TANGO2: variants seen among roughly 807,000 people sequenced by gnomAD.
TANGO2 encodes transport and golgi organization 2 homolog.
In TANGO2, 26 loss-of-function variants were observed where a neutral mutation model predicts 39.1. The ratio of observed to expected loss-of-function variants is 0.67; its 90% CI spans 0.49 to 0.92. The LOEUF is 0.92. TANGO2 is among the 40% of genes least tolerant of loss of function. The pLI, the probability that TANGO2 is intolerant of heterozygous loss-of-function variation, is 0.00. For missense variants in TANGO2, 326 were observed against 360.1 expected (o/e 0.91, Z 0.77); for synonymous variants, 131 against 144.5 (o/e 0.91, Z 0.67).
In TANGO2 at chr22:20,066,790, G is replaced by T. The variant is rs1384917485; in HGVS notation, c.*2128G>T. ...AGTGCCAGTCCCCAACCTGGATGGT[G>T]CCCTGCCCTCATGAAGAGCCCCCCG... is the stretch of plus-strand genomic sequence containing the variant. On this transcript the variant is annotated 3_prime_UTR_variant, in exon 9 of 9. Coordinates refer to ENST00000327374, the MANE Select transcript of TANGO2 (RefSeq NM_152906.7). Among the ~76,000 whole-genome samples, 1 of 152,134 alleles carries T rather than the reference G, an allele frequency of 6.6e-6. No homozygotes were observed.
At chr22:20,045,157 C>G (rs62222178) in intron 3 of TANGO2, among the ~76,000 whole-genome samples, 20,637 of 152,040 alleles carry the variant, frequency 0.14, 2,330 homozygotes, top group East Asian at 0.52. Flanking sequence ...TGAAATCACC[C>G]TGGGCCGGTG....
In TANGO2 at chr22:20,040,035, C is replaced by T. The variant is rs114656937; in HGVS notation, c.56+3181C>T. Among the ~76,000 whole-genome samples, 478 of 152,262 alleles carry T rather than the reference C, an allele frequency of 3.1e-3. 5 individuals are homozygous for T. Among genetic ancestry groups the T allele is most frequent in the African/African-American group, 0.011 (453 of 41,558 alleles). On this transcript the variant is annotated intron_variant, in intron 2 of 8. Transcript: ENST00000327374. ...GTGGGTGCATCCCTGTCTCTCTGGA[C>T]GTGGGGCGCAGATAGGCTTCTACCC...
chr22:20,054,306 G>C (rs920236227), intron 5 of TANGO2: 2 of 157,708 alleles, frequency 1.3e-5, no homozygotes, highest in Non-Finnish European at 2.8e-5. Context: ...GGCACTTGCT[G>C]TCCGGAGCCG....
rs1338110955 is a variant in TANGO2 at position 20,066,371 on chromosome 22, A to T, written c.*1709A>T. 6.6e-6 allele frequency: 1 copy of T among 152,232 alleles called. No individual in the cohort carries two copies. Among genetic ancestry groups the T allele is most frequent in the Non-Finnish European group, 1.5e-5 (1 of 68,068 alleles). 9.4% of individuals were successfully genotyped at this position (152,232 alleles called of 1,614,324 possible). ...AGGGGGTCCCGGATATCCAATGCTG[A>T]GACCTAGACTTTTCTAAGCCTCTGC... On this transcript the variant is annotated 3_prime_UTR_variant, in exon 9 of 9. Coordinates refer to ENST00000327374, the MANE Select transcript of TANGO2 (RefSeq NM_152906.7).
intron 5 of TANGO2, 101 bp from the exon 6 acceptor site, chr22:20,055,842 C>G (rs909160547): frequency 9.3e-7 from 1 of 1,080,594 alleles, no homozygotes; most frequent in African/African-American, 1.5e-5. Flanking sequence ...GGCTACTGCG[C>G]ACATCGCTAG....
intron 7 of TANGO2, among the ~76,000 whole-genome samples, chr22:20,062,474 TCTC>T (rs1329371685): frequency 6.6e-6 from 1 of 151,992 alleles, no homozygotes; most frequent in African/African-American, 2.4e-5. Context: ...CTACCCTCCT[TCTC>T]CTCTGGGCCT....
chr22:20,057,028 G>A lies in TANGO2; in HGVS notation c.451+1015G>A, dbSNP rs567307624. 114 of 447,162 alleles carry A rather than the reference G, an allele frequency of 2.5e-4. No individual in the cohort carries two copies. The highest frequency in any genetic ancestry group is 2.0e-3 in the African/African-American group (99 of 49,808). 27.7% of individuals were successfully genotyped at this position (447,162 alleles called of 1,614,324 possible). A position where few individuals can be genotyped will look rare whatever the true frequency, so the allele number is the denominator to read the frequency against. On this transcript the variant is annotated intron_variant, in intron 6 of 8. Coordinates refer to ENST00000327374, the MANE Select transcript of TANGO2 (RefSeq NM_152906.7). This position sits in a 1 kb window ranked among gnomAD's most constrained non-coding sequence, Gnocchi z 4.1. ...GGCTCCTCTGAAGCTCCATGCCCAC[G>A]TCACACAGACTTTCTTTTGCATTTG... is the stretch of plus-strand genomic sequence containing the variant.
At chr22:20,043,467 G>T in intron 3 of TANGO2, 24 bp downstream of exon 3, 1 of 1,545,020 alleles carries the variant, frequency 6.5e-7, no homozygotes, top group Non-Finnish European at 8.9e-7. Context: ...CGTGCTCAGC[G>T]GTGGCTGCGC....
intron 3 of TANGO2, among the ~76,000 whole-genome samples, chr22:20,047,596 C>T (rs1007219964): frequency 6.6e-6 from 1 of 152,088 alleles, no homozygotes; most frequent in African/African-American, 2.4e-5. Context: ...CAGCCATGAA[C>T]TCTGGTTGTC....
chr22:20,053,725 G>A (rs1448371174), intron 5 of TANGO2, 174 bp downstream of exon 5: 8 of 646,894 alleles, frequency 1.2e-5, no homozygotes, highest in Admixed American at 2.1e-5. Context: ...GTACCAACTC[G>A]GGTATTTGGG....
intron 3 of TANGO2, among the ~76,000 whole-genome samples, chr22:20,044,561 C>G (rs948827104): frequency 1.2e-4 from 19 of 152,120 alleles, no homozygotes; most frequent in African/African-American, 4.6e-4. Context: ...AATAAAAGCT[C>G]AGCTGTGGGG....
chr22:20,022,213 G>A (rs1232907257), intron 1 of TANGO2, among the ~76,000 whole-genome samples: 3 of 152,350 alleles, frequency 2.0e-5, no homozygotes, highest in Non-Finnish European at 2.9e-5. Context: ...GTGGCAGATC[G>A]TGTTCCCAAG....
In TANGO2 at chr22:20,053,425, C is replaced by T. The variant is rs756674371; in HGVS notation, c.266-12C>T. ...TGCAGCTGTGGACACAGCATCTGTC[C>T]CCTGCCTACAGGTGAACTTGTCACC... On this transcript the variant is annotated splice_polypyrimidine_tract_variant and intron_variant, in intron 4 of 8. Coordinates refer to ENST00000327374, the MANE Select transcript of TANGO2 (RefSeq NM_152906.7). 1.9e-6 allele frequency: 3 copies of T among 1,578,856 alleles called. No individual in the cohort carries two copies. Among genetic ancestry groups the T allele is most frequent in the Non-Finnish European group, 2.6e-6 (3 of 1,148,066 alleles).
At chr22:20,063,829 T>G (rs1167166747) in intron 8 of TANGO2, among the ~76,000 whole-genome samples, 2 of 152,226 alleles carry the variant, frequency 1.3e-5, no homozygotes, top group Non-Finnish European at 2.9e-5. Flanking sequence ...CAGGGTGTCA[T>G]TTCCTTCAGC....
intron 3 of TANGO2, chr22:20,047,929 T>G (rs1017239705): frequency 1.4e-5 from 2 of 142,248 alleles, no homozygotes; most frequent in African/African-American, 2.6e-5. Flanking sequence ...TAGTGTTTTG[T>G]TTTTTTTTTT....
chr22:20,033,177 G>T (rs763240259), intron 1 of TANGO2: 1 of 519,282 alleles, frequency 1.9e-6, no homozygotes, highest in Admixed American at 2.1e-5. Flanking sequence ...GTTCCTGATG[G>T]TCCCCTCCCC....
At chr22:20,045,180 A>G (rs763418827) in intron 3 of TANGO2, among the ~76,000 whole-genome samples, 14 of 152,018 alleles carry the variant, frequency 9.2e-5, no homozygotes, top group Non-Finnish European at 1.0e-4. Flanking sequence ...TCACACCTGT[A>G]ATCTCAGCAC....
chr22:20,026,074 C>G (rs942549978), intron 1 of TANGO2, among the ~76,000 whole-genome samples: 2 of 152,224 alleles, frequency 1.3e-5, no homozygotes, highest in African/African-American at 4.8e-5. Context: ...CACCTCACAG[C>G]AGTCGCACAG....
At chr22:20,033,192 G>A (rs774428899) in intron 1 of TANGO2, 2 of 523,388 alleles carry the variant, frequency 3.8e-6, no homozygotes, top group African/African-American at 2.0e-5. Context: ...CTCCCCAGGG[G>A]CTGGCTTTCC....
Sources: gnomAD v4.1 joint callset for allele counts (sites outside exome capture counted in the v4.1 genomes callset) on GRCh38, gnomAD v4.1.1 for gene constraint, Gnocchi (gnomAD v3.1) non-coding constraint, MANE v1.5 for transcripts, NCBI Gene and HGNC (gene_info 2026-07-23, HGNC 2026-07-21) for gene names.